Variants in WWP2 observed in about 807,000 individuals in gnomAD.
The protein encoded by WWP2 is WW domain containing E3 ubiquitin protein ligase 2, also known as NEDD4-like E3 ubiquitin-protein ligase WWP2.
WWP2 carries 57 observed loss-of-function variants against 121.0 expected under a neutral mutation model. The ratio of observed to expected loss-of-function variants is 0.47; its 90% CI spans 0.38 to 0.59. The LOEUF (loss-of-function observed/expected upper bound fraction) is 0.59, where lower values mean the gene tolerates loss of function less well. Ranked by LOEUF, WWP2 falls within the 20% of genes least tolerant of loss-of-function variation. WWP2 has a pLI of 0.00. For synonymous variants in WWP2, 449 were observed against 441.3 expected (o/e 1.02, Z -0.22); for missense variants, 962 against 1,158.9 (o/e 0.83, Z 2.47).
At chr16:69,866,860 C>T (rs960063471) in intron 6 of WWP2, among the ~76,000 whole-genome samples, 9 of 150,658 alleles carry the variant, frequency 6.0e-5, no homozygotes, top group African/African-American at 1.5e-4. Context: ...ATTTTTGAGA[C>T]GGAGTCTCGC....
intron 1 of WWP2, among the ~76,000 whole-genome samples, chr16:69,765,691 G>T (rs2038712570): frequency 6.6e-6 from 1 of 152,154 alleles, no homozygotes; most frequent in South Asian, 2.1e-4. Flanking sequence ...GGGCTTGTTG[G>T]CACATGTGTC....
At chr16:69,876,570 G>A (rs1038231459) in intron 7 of WWP2, among the ~76,000 whole-genome samples, 6 of 151,940 alleles carry the variant, frequency 3.9e-5, no homozygotes, top group South Asian at 2.1e-4. Context: ...CATCATGTTG[G>A]GCAGGCTGGT....
At chr16:69,916,308 C>A (rs935595548) in intron 9 of WWP2, among the ~76,000 whole-genome samples, 18 of 152,290 alleles carry the variant, frequency 1.2e-4, no homozygotes, top group Non-Finnish European at 1.9e-4. Context: ...AGTCCTCCCA[C>A]CTCAGCTGCC....
intron 7 of WWP2, among the ~76,000 whole-genome samples, chr16:69,876,312 C>T (rs115718650): frequency 6.7e-6 from 1 of 149,438 alleles, no homozygotes; most frequent in Non-Finnish European, 1.5e-5. Context: ...CAGTTATAGC[C>T]TTATAAAATG....
chr16:69,833,702 C>T (rs1418657992), intron 4 of WWP2, among the ~76,000 whole-genome samples: 1 of 152,226 alleles, frequency 6.6e-6, no homozygotes, highest in Non-Finnish European at 1.5e-5. Flanking sequence ...AGGCCTTTGG[C>T]TTTCTTGCTG....
At chr16:69,769,927 T>A (rs1024034990) in intron 1 of WWP2, among the ~76,000 whole-genome samples, 4 of 148,038 alleles carry the variant, frequency 2.7e-5, no homozygotes, top group Non-Finnish European at 3.0e-5. Flanking sequence ...CAGGCTAGAG[T>A]GCAATGGCAT....
At chr16:69,910,222 C>T (rs924444053) in intron 9 of WWP2, 1 of 318,038 alleles carries the variant, frequency 3.1e-6, no homozygotes, top group Admixed American at 6.5e-5. Context: ...AAAACATATT[C>T]TTTTATTCAA....
intron 1 of WWP2, among the ~76,000 whole-genome samples, chr16:69,768,565 G>A (rs141055587): frequency 1.3e-4 from 20 of 152,250 alleles, no homozygotes; most frequent in African/African-American, 4.3e-4. Flanking sequence ...AGCCGAGATT[G>A]CATCACTGCC....
intron 8 of WWP2, among the ~76,000 whole-genome samples, chr16:69,903,698 G>A (rs2058240791): frequency 6.6e-6 from 1 of 151,772 alleles, no homozygotes; most frequent in Non-Finnish European, 1.5e-5. Context: ...AACCCAGGAG[G>A]TGGAGGTTGC....
chr16:69,836,877 C>T (rs1241607154), intron 4 of WWP2, among the ~76,000 whole-genome samples: 1 of 152,130 alleles, frequency 6.6e-6, no homozygotes, highest in African/African-American at 2.4e-5. Context: ...CAGCCCATCT[C>T]AGCCTCCCAA....
Position 69,931,904 on chromosome 16 carries a change from C to A in WWP2, c.1682+14C>A. On this transcript the variant is annotated intron_variant, in intron 16 of 23. Transcript: ENST00000359154. ...GGGCATCGCCAGGTGAGCTTGAGTG[C>A]CCCGGAAGGCTGCCCTGTACCCCGC... The A allele has an allele frequency of 6.2e-7, 1 of 1,609,224 alleles. No individual in the cohort carries two copies.
intron 4 of WWP2, 152 bp from the exon 5 acceptor site, chr16:69,839,974 C>G: frequency 1.8e-6 from 2 of 1,090,370 alleles, no homozygotes; most frequent in Non-Finnish European, 2.6e-6. Context: ...CCTTCCCACT[C>G]TTTTTTCCAT....
Position 69,925,053 on chromosome 16 carries a change from C to T in WWP2, c.1180-377C>T. 9.9e-7 allele frequency: 1 copy of T among 1,013,010 alleles called. No individual in the cohort carries two copies. Among genetic ancestry groups the T allele is most frequent in the Non-Finnish European group, 1.2e-6 (1 of 848,634 alleles). The allele number at this position is 1,013,010 out of a possible 1,614,324, so 62.8% of individuals were successfully genotyped here. The stretch of plus-strand genomic sequence containing the variant: ...GTGGTGATTTCAGTCGCCTTGGCCG[C>T]CTTGAGCCGGAGCTGAGCGGAGGCA... On this transcript the variant is annotated intron_variant, in intron 10 of 23. Transcript: ENST00000359154. This position sits in a 1 kb window ranked among gnomAD's most constrained non-coding sequence, Gnocchi z 4.0.
intron 6 of WWP2, among the ~76,000 whole-genome samples, chr16:69,857,763 G>A (rs1361228777): frequency 6.8e-6 from 1 of 147,908 alleles, no homozygotes; most frequent in Non-Finnish European, 1.5e-5. Context: ...CCAGGCTCAA[G>A]TGATCTTCCC....
At chr16:69,840,315 C>A in intron 5 of WWP2, 52 bp downstream of exon 5, 2 of 1,217,546 alleles carry the variant, frequency 1.6e-6, no homozygotes, top group South Asian at 1.2e-5. Context: ...TGGGGCTGGG[C>A]GGGGGCCAGG....
intron 7 of WWP2, among the ~76,000 whole-genome samples, chr16:69,883,038 A>C (rs1231122109): frequency 6.6e-6 from 1 of 152,012 alleles, no homozygotes; most frequent in African/African-American, 2.4e-5. Context: ...TTGTAATCCC[A>C]GCTACTTGGG....
chr16:69,937,431 T>C lies in WWP2; in HGVS notation c.2239-117T>C. 1 of 1,365,680 alleles carries C rather than the reference T, an allele frequency of 7.3e-7. No individual in the cohort carries two copies. The highest frequency in any genetic ancestry group is 2.4e-5 in the East Asian group (1 of 42,080). 84.6% of individuals were successfully genotyped at this position (1,365,680 alleles called of 1,614,324 possible). A position where few individuals can be genotyped will look rare whatever the true frequency, so the allele number is the denominator to read the frequency against. ...GCAGGGACTTACATTACCCATATTA[T>C]TAACGCTGACACCAAAAATAGCTAG... On this transcript the variant is annotated intron_variant, in intron 20 of 23. Transcript: ENST00000359154. The surrounding 1 kb of genome is among the most constrained non-coding windows in gnomAD (Gnocchi z 6.6).
intron 2 of WWP2, among the ~76,000 whole-genome samples, chr16:69,795,895 G>T (rs1001980980): frequency 1.3e-5 from 2 of 151,692 alleles, no homozygotes. Context: ...TGATCTGCCT[G>T]CCTCGGCCTC....
At chr16:69,887,606 A>G (rs2057947993) in intron 7 of WWP2, among the ~76,000 whole-genome samples, 1 of 152,038 alleles carries the variant, frequency 6.6e-6, no homozygotes, top group Non-Finnish European at 1.5e-5. Context: ...GGGTTTTGCC[A>G]TGTTGGCCAG....
Sources: gnomAD v4.1 joint callset for allele counts (sites outside exome capture counted in the v4.1 genomes callset) on GRCh38, gnomAD v4.1.1 for gene constraint, Gnocchi (gnomAD v3.1) non-coding constraint, MANE v1.5 for transcripts, NCBI Gene and HGNC (gene_info 2026-07-23, HGNC 2026-07-21) for gene names.